The following GPC4 variants were observed in gnomAD, a reference collection of about 807,000 sequenced individuals.
The protein encoded by GPC4 is glypican-4.
Under a neutral mutation model 35.0 loss-of-function variants are expected in GPC4, and 10 were observed. The observed-to-expected ratio is 0.29, with a 90% CI of 0.18 to 0.48. GPC4 has a LOEUF of 0.48. Ranked by LOEUF, GPC4 falls within the 20% of genes least tolerant of loss-of-function variation. The pLI, the probability that GPC4 is intolerant of heterozygous loss-of-function variation, is 0.99. For missense variants in GPC4, 322 were observed against 451.3 expected (o/e 0.71, Z 2.60); for synonymous variants, 167 against 170.2 (o/e 0.98, Z 0.15).
intron 1 of GPC4, among the ~76,000 whole-genome samples, chrX:133,356,119 T>C (rs1296796755): frequency 8.9e-6 from 1 of 112,063 alleles, no homozygotes; most frequent in Non-Finnish European, 1.9e-5. Flanking sequence ...GGCATAGATA[T>C]GGTTTGTATG....
intron 2 of GPC4, among the ~76,000 whole-genome samples, chrX:133,327,593 T>C (rs1234364936): frequency 1.9e-5 from 2 of 107,579 alleles, no homozygotes. Flanking sequence ...ACACCCACCA[T>C]GGACCATACT....
In GPC4 at chrX:133,301,420, G is replaced by A. The variant is rs2068266583; in HGVS notation, c.*1447C>T. 8.9e-6 allele frequency: 1 copy of A among 112,610 alleles called. No homozygotes were observed. Among genetic ancestry groups the A allele is most frequent in the Non-Finnish European group, 1.9e-5 (1 of 53,336 alleles). The allele number at this position is 112,610 out of a possible 1,213,427, so 9.3% of individuals were successfully genotyped here. On this transcript the variant is annotated 3_prime_UTR_variant, in exon 9 of 9. Transcript: ENST00000370828. ...GTTTTATGAGCTATCATTTGGTAAG[G>A]ACACAAGGAAGGGATTCCCAAGGCA...
chrX:133,414,202 G>C (rs1262799466), intron 1 of GPC4, among the ~76,000 whole-genome samples: 2 of 110,700 alleles, frequency 1.8e-5, no homozygotes, highest in Non-Finnish European at 3.8e-5. Flanking sequence ...CTTCTGAAGC[G>C]GTTGCGGCTA....
At chrX:133,349,855 T>C (rs980714678) in intron 1 of GPC4, among the ~76,000 whole-genome samples, 7 of 111,541 alleles carry the variant, frequency 6.3e-5, no homozygotes, top group Non-Finnish European at 1.1e-4. Context: ...TCCTGGCTCA[T>C]GCAATCCTCC....
intron 1 of GPC4, among the ~76,000 whole-genome samples, chrX:133,412,132 C>T (rs2068815606): frequency 9.0e-6 from 1 of 111,659 alleles, no homozygotes; most frequent in African/African-American, 3.3e-5. Context: ...AGCACATTCC[C>T]CATCCCAGGC....
intron 1 of GPC4, among the ~76,000 whole-genome samples, chrX:133,381,777 T>G (rs758363597): frequency 2.7e-5 from 3 of 112,468 alleles, no homozygotes; most frequent in Non-Finnish European, 3.8e-5. Context: ...AATTTTCCCA[T>G]AACGCCTACT....
chrX:133,329,119 G>C lies in GPC4; in HGVS notation c.320-4583C>G, dbSNP rs185700189. Among the ~76,000 whole-genome samples, 62 of 112,121 alleles carry C rather than the reference G, an allele frequency of 5.5e-4. 1 individual carries two copies. The highest frequency in any genetic ancestry group is 2.0e-3 in the African/African-American group (62 of 30,935). ...TATGAATCTAAAGCAGGAGGACACA[G>C]TGGGAAAAACAGGAGATCTCTCATT... On this transcript the variant is annotated intron_variant, in intron 2 of 8. Transcript: ENST00000370828.
intron 1 of GPC4, among the ~76,000 whole-genome samples, chrX:133,368,492 C>A (rs888036005): frequency 9.0e-6 from 1 of 111,273 alleles, no homozygotes; most frequent in African/African-American, 3.3e-5. Flanking sequence ...TAAAATTTAC[C>A]ATTTTTCTAT....
intron 4 of GPC4, among the ~76,000 whole-genome samples, chrX:133,310,245 G>A (rs1311828252): frequency 3.6e-5 from 4 of 111,476 alleles, no homozygotes; most frequent in Non-Finnish European, 7.5e-5. Flanking sequence ...GTGAAAAACA[G>A]GTGCTTATAA....
intron 2 of GPC4, among the ~76,000 whole-genome samples, chrX:133,333,769 C>T (rs2068430875): frequency 8.9e-6 from 1 of 112,623 alleles, no homozygotes; most frequent in Non-Finnish European, 1.9e-5. Flanking sequence ...GGCTACTCAG[C>T]CTATGAAATG....
intron 1 of GPC4, among the ~76,000 whole-genome samples, chrX:133,359,379 G>T (rs1361580209): frequency 1.8e-5 from 2 of 110,425 alleles, no homozygotes; most frequent in Non-Finnish European, 1.9e-5. Flanking sequence ...GGAGAGAGAA[G>T]AGAACCTTCC....
intron 1 of GPC4, among the ~76,000 whole-genome samples, chrX:133,387,419 G>C (rs1186408976): frequency 9.4e-6 from 1 of 105,940 alleles, no homozygotes; most frequent in Non-Finnish European, 1.9e-5. Context: ...CCAAAGAAAA[G>C]CAATGACAGA....
At chrX:133,392,507 A>C (rs2068724114) in intron 1 of GPC4, among the ~76,000 whole-genome samples, 1 of 107,413 alleles carries the variant, frequency 9.3e-6, no homozygotes, top group Non-Finnish European at 1.9e-5. Context: ...CATTACAGGA[A>C]ATTAATCTAT....
At chrX:133,405,718 C>T (rs1232617419) in intron 1 of GPC4, among the ~76,000 whole-genome samples, 1 of 112,064 alleles carries the variant, frequency 8.9e-6, no homozygotes, top group Non-Finnish European at 1.9e-5. Flanking sequence ...TTCTAATCTG[C>T]CATAGACTGG....
chrX:133,414,365 C>T (rs2068827732), intron 1 of GPC4: 1 of 389,758 alleles, frequency 2.6e-6, no homozygotes, highest in African/African-American at 2.9e-5. Flanking sequence ...CCACTGGCGA[C>T]CCCCACCCCC....
chrX:133,350,367 T>C lies in GPC4; in HGVS notation c.161-11026A>G, dbSNP rs1388318179. Among the ~76,000 whole-genome samples, 5 of 109,771 alleles carry C rather than the reference T, an allele frequency of 4.6e-5. No homozygotes were observed. In the East Asian group the frequency reaches 1.4e-3, roughly 32 times the overall value. ...GTGAGACCGTGTCTCTACAAAAAAT[T>C]TAAAAATTAGCCAGGCATGGTGGCG... On this transcript the variant is annotated intron_variant, in intron 1 of 8. Coordinates refer to ENST00000370828, the MANE Select transcript of GPC4 (RefSeq NM_001448.3).
intron 1 of GPC4, among the ~76,000 whole-genome samples, chrX:133,344,190 GGTTT>G (rs2068479847): frequency 2.5e-5 from 1 of 39,353 alleles, no homozygotes; most frequent in South Asian, 1.0e-3. Context: ...CTTTCTTTCT[GGTTT>G]TTTTTTTTTT....
chrX:133,324,309 T>C lies in GPC4; in HGVS notation c.547A>G (p.Thr183Ala). 1 of 1,211,360 alleles carries C rather than the reference T, an allele frequency of 8.3e-7. No individual in the cohort carries two copies. The highest frequency in any genetic ancestry group is 1.1e-6 in the Non-Finnish European group (1 of 895,266). ...FRLVNSQYHF[T>A]DEYLECVSKY... The stretch of plus-strand genomic sequence containing the variant: ...CTCACACATTCCAGATACTCATCTG[T>C]AAAGTGGTACTGGGAGTTCACCAGG... The change falls in exon 3 of 9, where the codon ACA (threonine) becomes GCA (alanine). Residue 183 changes from threonine to alanine, a missense_variant. Physicochemically the swap from Thr to Ala is moderately conservative, Grantham distance 58 (BLOSUM62 0). Around this residue, in one of 3 missense-constraint regions of GPC4, gnomAD observed 163 missense variants for 277.2 expected, o/e 0.59. Coordinates refer to ENST00000370828, the MANE Select transcript of GPC4 (RefSeq NM_001448.3).
intron 1 of GPC4, among the ~76,000 whole-genome samples, chrX:133,372,955 T>C (rs766901967): frequency 5.7e-4 from 64 of 111,674 alleles, no homozygotes; most frequent in African/African-American, 2.0e-3. Flanking sequence ...TCTCAACTTC[T>C]ATATCAGGCC....
Sources: gnomAD v4.1 joint callset for allele counts (sites outside exome capture counted in the v4.1 genomes callset) on GRCh38, gnomAD v4.1.1 for gene constraint, gnomAD v4.1.1 regional missense constraint, MANE v1.5 for transcripts, NCBI Gene and HGNC (gene_info 2026-07-23, HGNC 2026-07-21) for gene names.